The following AP1G1 variants were observed in gnomAD, a reference collection of about 807,000 sequenced individuals.
The protein encoded by AP1G1 is adaptor related protein complex 1 subunit gamma 1, also known as AP-1 complex subunit gamma-1.
A neutral mutation model predicts 108.3 loss-of-function variants in AP1G1; 7 were observed. The observed-to-expected ratio is 0.06, with a 90% CI of 0.04 to 0.12. The LOEUF (loss-of-function observed/expected upper bound fraction) is 0.12. Ranked by LOEUF, AP1G1 falls within the 10% of genes least tolerant of loss-of-function variation. AP1G1 has a pLI of 1.00. For missense variants in AP1G1, 756 were observed against 1,010.7 expected, an observed-to-expected ratio of 0.75 and a Z score of 3.42; for synonymous variants, 379 against 353.5, an observed-to-expected ratio of 1.07 and a Z score of -0.81.
chr16:71,749,860 T>C (rs1406111458), intron 15 of AP1G1, 34 bp downstream of exon 15: 2 of 1,530,412 alleles, frequency 1.3e-6, no homozygotes, highest in South Asian at 2.2e-5. Context: ...AAACCACTAT[T>C]TTCCCCCACT....
At chr16:71,772,279 C>G (rs2031606325) in intron 4 of AP1G1, among the ~76,000 whole-genome samples, 2 of 152,138 alleles carry the variant, frequency 1.3e-5, no homozygotes, top group East Asian at 1.9e-4. Context: ...AGGCGCCCGC[C>G]ACCACGCCCG....
intron 16 of AP1G1, 76 bp downstream of exon 16, chr16:71,748,175 T>C: frequency 6.6e-7 from 1 of 1,504,438 alleles, no homozygotes; most frequent in Non-Finnish European, 9.0e-7. Flanking sequence ...TTTTCCATGA[T>C]AACAAGTTTT....
intron 13 of AP1G1, chr16:71,751,409 T>C (rs774508649): frequency 6.2e-5 from 9 of 145,300 alleles, no homozygotes; most frequent in South Asian, 2.2e-4. Context: ...AATAGAACAA[T>C]AGATTTAATT....
intron 1 of AP1G1, among the ~76,000 whole-genome samples, chr16:71,804,162 T>C (rs932490710): frequency 1.3e-5 from 2 of 148,572 alleles, no homozygotes; most frequent in Admixed American, 1.4e-4. Context: ...TTCTCCTGCC[T>C]CAGTCTCCCG....
At chr16:71,801,274 C>T (rs77385763) in intron 1 of AP1G1, among the ~76,000 whole-genome samples, 5,562 of 148,752 alleles carry the variant, frequency 0.037, 338 homozygotes, top group African/African-American at 0.13. Context: ...GGTAAGACTC[C>T]ATCTCAAAAA....
chr16:71,774,072 A>AC (rs2031680564), intron 3 of AP1G1, among the ~76,000 whole-genome samples: 1 of 140,028 alleles, frequency 7.1e-6, no homozygotes, highest in Admixed American at 7.2e-5. Context: ...AAAAAGAAAA[A>AC]AAAAAAAAAA....
chr16:71,737,701 CACAA>C (rs2045567389), intron 21 of AP1G1, among the ~76,000 whole-genome samples: 1 of 152,236 alleles, frequency 6.6e-6, no homozygotes, highest in South Asian at 2.1e-4. Flanking sequence ...CAGCAGTACC[CACAA>C]ACAAAGAAAA....
At chr16:71,761,356 T>C (rs1279252139) in intron 10 of AP1G1, among the ~76,000 whole-genome samples, 156 bp downstream of exon 10, 1 of 152,210 alleles carries the variant, frequency 6.6e-6, no homozygotes, top group Non-Finnish European at 1.5e-5. Context: ...CCTCAAGTTC[T>C]TCACAAAACA....
At chr16:71,744,446 C>T (rs1477056458) in intron 19 of AP1G1, among the ~76,000 whole-genome samples, 1 of 151,996 alleles carries the variant, frequency 6.6e-6, no homozygotes, top group African/African-American at 2.4e-5. Flanking sequence ...AACATCTCTC[C>T]ACAAATGGCC....
chr16:71,808,084 C>T lies in AP1G1; in HGVS notation c.-4+679G>A. On this transcript the variant is annotated intron_variant, in intron 1 of 22. Transcript: ENST00000299980. ...GGGAAACACAATCAACCGAACCGTC[C>T]CGACTCTTTCAGGCAATCAGGAAGA... The T allele has an allele frequency of 2.6e-6, 3 of 1,170,478 alleles. No homozygotes were observed. In the South Asian group the frequency reaches 5.1e-5, roughly 20 times the overall value. The allele number at this position is 1,170,478 out of a possible 1,614,324, so 72.5% of individuals were successfully genotyped here. A position where few individuals can be genotyped will look rare whatever the true frequency, so the allele number is the denominator to read the frequency against.
In AP1G1 at chr16:71,758,434, G is replaced by A. The variant is rs376206038; in HGVS notation, c.1088+374C>T. ...TGTCAGCAGTTTGAGTGTCAGCATTGTGACAAGACACTTAGCCGATGGATC... is the reference window on the plus strand; with the variant it reads ...TGTCAGCAGTTTGAGTGTCAGCATTATGACAAGACACTTAGCCGATGGATC... On this transcript the variant is annotated intron_variant, in intron 11 of 22. Coordinates refer to ENST00000299980, the MANE Select transcript of AP1G1 (RefSeq NM_001128.6). 3 of 523,986 alleles carry A rather than the reference G, an allele frequency of 5.7e-6. No individual in the cohort carries two copies. In the African/African-American group the frequency reaches 5.8e-5, roughly 10 times the overall value. The allele number at this position is 523,986 out of a possible 1,614,324, so 32.5% of individuals were successfully genotyped here.
rs1331419399 is a variant in AP1G1 at position 71,771,162 on chromosome 16, T to G, written c.559A>C (p.Asn187His). 1 of 1,590,228 alleles carries G rather than the reference T, an allele frequency of 6.3e-7. No individual in the cohort carries two copies. The highest frequency in any genetic ancestry group is 8.6e-7 in the Non-Finnish European group (1 of 1,160,384). The change falls in exon 5 of 23, where the codon AAC (asparagine) becomes CAC (histidine). Residue 187 changes from asparagine (N) to histidine (H), a missense_variant. Transcript: ENST00000299980. The part of the protein sequence containing the change: ...PATKNLLNEK[N>H]HGVLHTSVVL... ...TACATCCAAATTACATTACCATGGT[T>G]CTTCTCATTCAATAAATTTTTTGTT...
chr16:71,807,471 A>C lies in AP1G1; in HGVS notation c.-4+1292T>G, dbSNP rs540537567. Among the ~76,000 whole-genome samples, 35 of 152,318 alleles carry C rather than the reference A, an allele frequency of 2.3e-4. 1 individual carries two copies. The East Asian group carries it at 6.2e-3, about 27-fold the overall frequency. ...AAAAATAAAGACATACTTTTTATTCAAGCATGCTAGACTGCAAACATGCCT... is the reference window on the plus strand; with the variant it reads ...AAAAATAAAGACATACTTTTTATTCCAGCATGCTAGACTGCAAACATGCCT... On this transcript the variant is annotated intron_variant, in intron 1 of 22. Transcript: ENST00000299980.
At chr16:71,799,252 T>G (rs1483128598) in intron 1 of AP1G1, among the ~76,000 whole-genome samples, 2 of 152,144 alleles carry the variant, frequency 1.3e-5, no homozygotes, top group African/African-American at 4.8e-5. Context: ...GCAATAATAA[T>G]ATTTAAAATA....
intron 6 of AP1G1, among the ~76,000 whole-genome samples, chr16:71,766,797 T>C (rs2031335212): frequency 6.6e-6 from 1 of 152,174 alleles, no homozygotes; most frequent in African/African-American, 2.4e-5. Context: ...ACACAGTATG[T>C]AAGAATTTAA....
At chr16:71,808,039 T>C (rs1331245860) in intron 1 of AP1G1, 1 of 1,191,684 alleles carries the variant, frequency 8.4e-7, no homozygotes, top group Non-Finnish European at 1.1e-6. Context: ...TCGATGGATC[T>C]CCTACACCGA....
intron 15 of AP1G1, among the ~76,000 whole-genome samples, chr16:71,749,691 A>G (rs1052632362): frequency 4.6e-5 from 7 of 151,936 alleles, no homozygotes; most frequent in Non-Finnish European, 8.8e-5. Context: ...GAGTTTCACC[A>G]TGTTGCCCAG....
At chr16:71,738,866 C>A in intron 21 of AP1G1, 76 bp downstream of exon 21, 1 of 1,327,330 alleles carries the variant, frequency 7.5e-7, no homozygotes, top group Non-Finnish European at 1.0e-6. Context: ...AAAACATATC[C>A]TTTACCAAAC....
At chr16:71,787,875 T>C (rs935088973) in intron 2 of AP1G1, among the ~76,000 whole-genome samples, 5 of 152,214 alleles carry the variant, frequency 3.3e-5, no homozygotes, top group African/African-American at 1.2e-4. Flanking sequence ...AAACTATTCA[T>C]GTGAAAGAGA....
Sources: allele counts gnomAD v4.1 joint callset (sites outside exome capture counted in the v4.1 genomes callset), GRCh38; gene constraint gnomAD v4.1.1; transcripts MANE v1.5; gene names NCBI Gene and HGNC (gene_info 2026-07-23, HGNC 2026-07-21).